Variants in SPECC1 observed in about 807,000 individuals in gnomAD.
SPECC1 encodes cytospin-B.
In SPECC1, 62 loss-of-function variants were observed where a neutral mutation model predicts 104.1. That is an observed-to-expected ratio of 0.60 (90% CI 0.49 to 0.74). The LOEUF (loss-of-function observed/expected upper bound fraction) is 0.74. Among genes scored for constraint, SPECC1 ranks in the 30% least tolerant of loss-of-function variants. SPECC1 has a pLI of 0.00. For missense variants in SPECC1, 1,306 were observed against 1,310.5 expected (o/e 1.00, Z 0.05); for synonymous variants, 513 against 501.6 (o/e 1.02, Z -0.30).
intron 7 of SPECC1, 100 bp downstream of exon 7, chr17:20,232,505 T>A: frequency 5.9e-6 from 8 of 1,348,670 alleles, no homozygotes; most frequent in Non-Finnish European, 8.0e-6. Context: ...CAGGTTCTGC[T>A]ATTTCCTTTC....
intron 12 of SPECC1, among the ~76,000 whole-genome samples, chr17:20,277,617 C>G (rs1003158192): frequency 6.6e-6 from 1 of 152,092 alleles, no homozygotes; most frequent in Non-Finnish European, 1.5e-5. Flanking sequence ...TTTAAGTGTA[C>G]AGTTCAGGGG....
intron 1 of SPECC1, among the ~76,000 whole-genome samples, chr17:20,039,022 G>A (rs34291370): frequency 0.42 from 64,332 of 151,810 alleles, 14,543 homozygotes; most frequent in Middle Eastern, 0.51. Context: ...GTAGAGTTGC[G>A]CCAACATCAC....
intron 3 of SPECC1, among the ~76,000 whole-genome samples, chr17:20,171,846 C>G (rs1168831302): frequency 2.0e-5 from 3 of 152,120 alleles, no homozygotes; most frequent in Non-Finnish European, 4.4e-5. Context: ...TGTGGTCAGC[C>G]CACACCATGG....
At chr17:20,194,374 G>T (rs1323955666) in intron 3 of SPECC1, among the ~76,000 whole-genome samples, 2 of 152,040 alleles carry the variant, frequency 1.3e-5, no homozygotes, top group East Asian at 1.9e-4. Flanking sequence ...TGTGAGGCCA[G>T]TTCCACACAG....
At chr17:20,060,212 A>G (rs2046132952) in intron 1 of SPECC1, among the ~76,000 whole-genome samples, 1 of 152,182 alleles carries the variant, frequency 6.6e-6, no homozygotes, top group South Asian at 2.1e-4. Flanking sequence ...TTGGTAATGA[A>G]GTGCATCAGT....
chr17:20,125,177 C>CA (rs1437821501), intron 3 of SPECC1, among the ~76,000 whole-genome samples: 7 of 144,968 alleles, frequency 4.8e-5, no homozygotes, highest in African/African-American at 5.2e-5. Context: ...GAGACTCCAT[C>CA]TCAAAAAACA....
intron 1 of SPECC1, among the ~76,000 whole-genome samples, chr17:20,077,613 C>T (rs1392172629): frequency 1.3e-5 from 2 of 152,002 alleles, no homozygotes; most frequent in African/African-American, 2.4e-5. Context: ...ATTATAGGCA[C>T]CCGCCACCAC....
intron 5 of SPECC1, among the ~76,000 whole-genome samples, chr17:20,228,567 A>C (rs2038378604): frequency 6.6e-6 from 1 of 152,230 alleles, no homozygotes; most frequent in Non-Finnish European, 1.5e-5. Flanking sequence ...ACACTGTGTT[A>C]TCTCTTGTAT....
intron 7 of SPECC1, among the ~76,000 whole-genome samples, chr17:20,241,622 T>C (rs999319014): frequency 2.0e-5 from 3 of 152,194 alleles, no homozygotes; most frequent in African/African-American, 7.2e-5. Flanking sequence ...TACAGGACTT[T>C]TACTATTTGA....
At chr17:20,227,225 A>G (rs534915593) in intron 4 of SPECC1, among the ~76,000 whole-genome samples, 188 bp from the exon 5 acceptor site, 5 of 152,242 alleles carry the variant, frequency 3.3e-5, no homozygotes, top group African/African-American at 7.2e-5. Flanking sequence ...CTTTGCTACT[A>G]TGTCCGTGAG....
chr17:20,151,208 C>CA (rs1041319940), intron 3 of SPECC1, among the ~76,000 whole-genome samples: 11 of 152,128 alleles, frequency 7.2e-5, no homozygotes, highest in African/African-American at 2.7e-4. Context: ...TGTGATGGTA[C>CA]AAAAGCTATA....
chr17:20,031,793 A>G (rs1185708898), intron 1 of SPECC1, among the ~76,000 whole-genome samples: 1 of 152,212 alleles, frequency 6.6e-6, no homozygotes, highest in Non-Finnish European at 1.5e-5. Context: ...CACTTAGCAT[A>G]GTGTTCTCAA....
intron 3 of SPECC1, among the ~76,000 whole-genome samples, chr17:20,162,431 C>T (rs942792920): frequency 6.6e-6 from 1 of 152,180 alleles, no homozygotes; most frequent in Non-Finnish European, 1.5e-5. Context: ...CAGACGTGAG[C>T]CACCGCGCCC....
chr17:20,104,771 A>G (rs893150457), intron 2 of SPECC1, among the ~76,000 whole-genome samples: 2 of 150,508 alleles, frequency 1.3e-5, no homozygotes, highest in South Asian at 2.1e-4. Context: ...AAAAAAGAAA[A>G]AAAAATTCTC....
Position 20,012,196 on chromosome 17 carries a change from G to C in SPECC1, c.-22+2772G>C, listed in dbSNP as rs150053826. 3.4e-3 allele frequency among the ~76,000 whole-genome samples: 523 copies of C among 152,228 alleles called. 1 individual carries two copies. The highest frequency in any genetic ancestry group is 8.1e-3 in the African/African-American group (336 of 41,564). ...AAGATTAAGAACAGATTAATTTGCA[G>C]TCCACTGTCAGTCACGACTGTTCCC... On this transcript the variant is annotated intron_variant, in intron 1 of 14. Coordinates refer to ENST00000395527, the MANE Select transcript of SPECC1 (RefSeq NM_001243439.2).
intron 13 of SPECC1, among the ~76,000 whole-genome samples, chr17:20,301,556 C>T (rs910778134): frequency 6.6e-6 from 1 of 152,072 alleles, no homozygotes; most frequent in African/African-American, 2.4e-5. Flanking sequence ...GAGGTGTCCC[C>T]ACCTGGATGG....
chr17:20,239,145 C>T, intron 7 of SPECC1: 2 of 1,027,602 alleles, frequency 1.9e-6, no homozygotes, highest in Non-Finnish European at 2.3e-6. Context: ...TCTAGGGTCT[C>T]AGAAAATATA....
intron 4 of SPECC1, among the ~76,000 whole-genome samples, 156 bp downstream of exon 4, chr17:20,206,068 G>T (rs770257184): frequency 6.6e-6 from 1 of 152,200 alleles, no homozygotes; most frequent in Non-Finnish European, 1.5e-5. Context: ...TTGCACACAG[G>T]TTGGGATTGG....
chr17:20,267,852 C>T (rs1370892687), intron 12 of SPECC1, among the ~76,000 whole-genome samples: 1 of 152,154 alleles, frequency 6.6e-6, no homozygotes, highest in African/African-American at 2.4e-5. Context: ...AGACCTCAGC[C>T]AGGCCAGGGA....
Sources: allele counts gnomAD v4.1 joint callset (sites outside exome capture counted in the v4.1 genomes callset), GRCh38; gene constraint gnomAD v4.1.1; transcripts MANE v1.5; gene names NCBI Gene and HGNC (gene_info 2026-07-23, HGNC 2026-07-21).